The following UPRT variants were observed in gnomAD, a reference collection of about 807,000 sequenced individuals.
UPRT encodes RP11-311P8.3.
Under a neutral mutation model 22.6 loss-of-function variants are expected in UPRT, and 5 were observed. That is an observed-to-expected ratio of 0.22 (90% CI 0.12 to 0.47). UPRT has a LOEUF of 0.47. Among genes scored for constraint, UPRT ranks in the 20% least tolerant of loss-of-function variants. The probability of loss-of-function intolerance (pLI) is 0.99; values close to 1 mark genes in which losing one functional copy is unlikely to be tolerated. For synonymous variants in UPRT, 77 were observed against 87.7 expected, an observed-to-expected ratio of 0.88 and a Z score of 0.68; for missense variants, 181 against 239.9, an observed-to-expected ratio of 0.75 and a Z score of 1.62.
At chrX:75,160,440 A>G in intron 1 of UPRT, among the ~76,000 whole-genome samples, 1 of 111,826 alleles carries the variant, frequency 8.9e-6, no homozygotes. Context: ...GCAGCCCAAA[A>G]TTACCCTTCC....
intron 4 of UPRT, among the ~76,000 whole-genome samples, chrX:75,247,851 G>C (rs768117301): frequency 1.8e-5 from 2 of 111,682 alleles, no homozygotes; most frequent in African/African-American, 6.5e-5. Context: ...ACCTCACAGG[G>C]CCGGGTACTC....
rs755729608 is a variant in UPRT at position 75,292,612 on chromosome X, ATACTT to A, written c.387-857_387-853del. 3.8e-4 allele frequency among the ~76,000 whole-genome samples: 42 copies of A among 111,815 alleles called. 1 individual carries two copies. Among genetic ancestry groups the A allele is most frequent in the Non-Finnish European group, 7.0e-4 (37 of 53,043 alleles). On this transcript the variant is annotated intron_variant, in intron 1 of 6. Transcript: ENST00000373383. The stretch of plus-strand genomic sequence containing the variant: ...TATCATTTTGAGGCTGTTTTGGAGA[ATACTT>A]TAGGTGGTCCATAGATAGGCAGATG...
intron 4 of UPRT, among the ~76,000 whole-genome samples, chrX:75,202,336 C>T (rs1211768039): frequency 2.7e-5 from 3 of 111,119 alleles, no homozygotes; most frequent in Non-Finnish European, 5.7e-5. Flanking sequence ...CGTGCTGGCT[C>T]ATGCCTGTAA....
chrX:75,295,268 T>C (rs902473834), intron 2 of UPRT, among the ~76,000 whole-genome samples: 1 of 110,788 alleles, frequency 9.0e-6, no homozygotes, highest in Non-Finnish European at 1.9e-5. Flanking sequence ...CCTGTAAGAG[T>C]TGGGCACACT....
chrX:75,157,325 A>C (rs2082184776), intron 1 of UPRT, among the ~76,000 whole-genome samples: 2 of 112,447 alleles, frequency 1.8e-5, no homozygotes, highest in Non-Finnish European at 3.8e-5. Context: ...TCTGTAGCCC[A>C]TGCAGTTAGC....
intron 3 of UPRT, among the ~76,000 whole-genome samples, chrX:75,164,979 A>G (rs1309579509): frequency 2.0e-5 from 2 of 102,164 alleles, no homozygotes; most frequent in East Asian, 1.9e-3. Flanking sequence ...TCAAAATGCT[A>G]TACAAATTTT....
chrX:75,237,256 C>G (rs11093503), intron 4 of UPRT, among the ~76,000 whole-genome samples: 6,076 of 111,738 alleles, frequency 0.054, 208 homozygotes, highest in South Asian at 0.13. Flanking sequence ...GAGATACCAT[C>G]TCACACCAGT....
chrX:75,254,627 T>G (rs2082543117), intron 4 of UPRT, among the ~76,000 whole-genome samples: 1 of 111,800 alleles, frequency 8.9e-6, no homozygotes, highest in Admixed American at 9.5e-5. Flanking sequence ...TGAGGAAAAC[T>G]TCCCCAGCCT....
At chrX:75,237,949 A>C (rs1378304626) in intron 4 of UPRT, among the ~76,000 whole-genome samples, 1 of 111,453 alleles carries the variant, frequency 9.0e-6, no homozygotes, top group African/African-American at 3.3e-5. Context: ...AAAGTATAAC[A>C]ATAATAAAAA....
chrX:75,291,463 T>A (rs776867280), intron 1 of UPRT: 7 of 314,020 alleles, frequency 2.2e-5, no homozygotes, highest in African/African-American at 1.4e-4. Flanking sequence ...AGATCTGGAG[T>A]CTGGTTCATA....
At chrX:75,212,326 T>A (rs111888758) in intron 4 of UPRT, among the ~76,000 whole-genome samples, 2,307 of 111,933 alleles carry the variant, frequency 0.021, 29 homozygotes, top group Middle Eastern at 0.037. Context: ...GAAATAATAA[T>A]AAACAGTCTC....
At chrX:75,229,426 A>G (rs1215152786) in intron 4 of UPRT, among the ~76,000 whole-genome samples, 3 of 112,069 alleles carry the variant, frequency 2.7e-5, no homozygotes, top group Non-Finnish European at 5.6e-5. Context: ...AAAATACCCA[A>G]TTCTTGCTCC....
intron 2 of UPRT, among the ~76,000 whole-genome samples, chrX:75,160,943 A>G (rs905228886): frequency 8.9e-6 from 1 of 112,570 alleles, no homozygotes; most frequent in East Asian, 2.8e-4. Flanking sequence ...ATGGGAAAGT[A>G]TATATGAAAT....
At chrX:75,167,177 T>G (rs1294348209) in intron 3 of UPRT, among the ~76,000 whole-genome samples, 1 of 112,309 alleles carries the variant, frequency 8.9e-6, no homozygotes, top group Non-Finnish European at 1.9e-5. Flanking sequence ...TTGTATTTTC[T>G]TTTTGTAATT....
chrX:75,282,370 C>T (rs2082661817), intron 1 of UPRT, among the ~76,000 whole-genome samples: 1 of 110,179 alleles, frequency 9.1e-6, no homozygotes, highest in Non-Finnish European at 1.9e-5. Context: ...AGTTTGTGTT[C>T]TTTCAGTCTT....
At chrX:75,303,014 T>G (rs1362324810) in intron 6 of UPRT, among the ~76,000 whole-genome samples, 3 of 111,328 alleles carry the variant, frequency 2.7e-5, no homozygotes, top group African/African-American at 9.8e-5. Context: ...GCTCTGAGAT[T>G]ACAGGCTTGA....
intron 1 of UPRT, among the ~76,000 whole-genome samples, chrX:75,275,780 G>A (rs1169348597): frequency 9.0e-6 from 1 of 111,253 alleles, no homozygotes; most frequent in East Asian, 2.8e-4. Context: ...TGAGATCACA[G>A]CTTACTGTAC....
chrX:75,167,749 CTTGTTTT>C (rs2082216672), intron 3 of UPRT, among the ~76,000 whole-genome samples: 1 of 106,350 alleles, frequency 9.4e-6, no homozygotes, highest in Non-Finnish European at 1.9e-5. Flanking sequence ...TTGGTTTTTG[CTTGTTTT>C]TTGTTTTTTT....
chrX:75,177,277 G>A (rs1284649295), intron 4 of UPRT, among the ~76,000 whole-genome samples: 1 of 109,432 alleles, frequency 9.1e-6, no homozygotes, highest in Non-Finnish European at 1.9e-5. Context: ...ATGGTCCCTG[G>A]ACCCTGCTGA....
Sources: allele counts gnomAD v4.1 joint callset (sites outside exome capture counted in the v4.1 genomes callset), GRCh38; gene constraint gnomAD v4.1.1; transcripts MANE v1.5; gene names NCBI Gene and HGNC (gene_info 2026-07-23, HGNC 2026-07-21).